The following IGSF21 variants were observed in gnomAD, a reference collection of about 807,000 sequenced individuals.
The protein encoded by IGSF21 is immunoglobulin superfamily member 21.
IGSF21 carries 28 observed loss-of-function variants against 46.8 expected under a neutral mutation model. The ratio of observed to expected loss-of-function variants is 0.60; its 90% CI spans 0.44 to 0.82. The LOEUF is 0.82. Ranked by LOEUF, IGSF21 falls within the 40% of genes least tolerant of loss-of-function variation. IGSF21 has a pLI of 0.00. For synonymous variants in IGSF21, 284 were observed against 273.6 expected (o/e 1.04, Z -0.38); for missense variants, 624 against 665.5 (o/e 0.94, Z 0.69).
chr1:18,222,066 C>G (rs1288122878), intron 1 of IGSF21, among the ~76,000 whole-genome samples: 1 of 152,146 alleles, frequency 6.6e-6, no homozygotes, highest in African/African-American at 2.4e-5. Context: ...CAGAACTCAC[C>G]TCTCCTCTGC....
chr1:18,200,191 C>T (rs982291627), intron 1 of IGSF21, among the ~76,000 whole-genome samples: 2 of 152,154 alleles, frequency 1.3e-5, no homozygotes, highest in Non-Finnish European at 2.9e-5. Flanking sequence ...TTGGTCACCT[C>T]GGTTATAAAA....
chr1:18,113,601 A>ACCCCCCCCCC (rs36119627), intron 1 of IGSF21: 1,216 of 137,582 alleles, frequency 8.8e-3, no homozygotes, highest in Non-Finnish European at 0.011. Flanking sequence ...CCAACCCCGC[A>ACCCCCCCCCC]CCCCACCCCC....
intron 2 of IGSF21, among the ~76,000 whole-genome samples, chr1:18,261,946 G>A (rs1025220504): frequency 5.3e-5 from 8 of 152,240 alleles, no homozygotes; most frequent in African/African-American, 1.4e-4. Flanking sequence ...GGCAGGTGGG[G>A]CTCAGCTTCA....
chr1:18,160,972 A>G (rs1014861810), intron 1 of IGSF21, among the ~76,000 whole-genome samples: 1 of 152,102 alleles, frequency 6.6e-6, no homozygotes, highest in African/African-American at 2.4e-5. Context: ...TGCATCCTGG[A>G]AGACACTGGG....
chr1:18,123,804 G>T (rs1185081656), intron 1 of IGSF21, among the ~76,000 whole-genome samples: 1 of 152,194 alleles, frequency 6.6e-6, no homozygotes, highest in Non-Finnish European at 1.5e-5. Context: ...TGTATTGCAG[G>T]TAAGAAGTGA....
intron 6 of IGSF21, among the ~76,000 whole-genome samples, chr1:18,374,880 A>C (rs2086265243): frequency 6.6e-6 from 1 of 152,146 alleles, no homozygotes; most frequent in African/African-American, 2.4e-5. Context: ...GTTTACACAG[A>C]GTAGCACAAA....
At chr1:18,190,026 G>C (rs1013003102) in intron 1 of IGSF21, among the ~76,000 whole-genome samples, 1 of 152,188 alleles carries the variant, frequency 6.6e-6, no homozygotes, top group Non-Finnish European at 1.5e-5. Flanking sequence ...TCCTCCCTTG[G>C]TGGGCCACCC....
chr1:18,317,100 T>A (rs6681344), intron 3 of IGSF21, among the ~76,000 whole-genome samples: 1 of 152,014 alleles, frequency 6.6e-6, no homozygotes, highest in Admixed American at 6.5e-5. Context: ...CATTGACCAG[T>A]GCCTGCCCCT....
intron 2 of IGSF21, among the ~76,000 whole-genome samples, chr1:18,272,149 GAA>G (rs2085048701): frequency 6.6e-6 from 1 of 152,148 alleles, no homozygotes; most frequent in African/African-American, 2.4e-5. Context: ...AGAGAAATGA[GAA>G]CCAAGTGAAA....
intron 1 of IGSF21, among the ~76,000 whole-genome samples, chr1:18,122,906 C>T (rs892415910): frequency 1.3e-5 from 2 of 152,104 alleles, no homozygotes; most frequent in African/African-American, 4.8e-5. Context: ...GGATTACAGG[C>T]ATGAGCCACC....
chr1:18,183,912 G>C (rs1426270011), intron 1 of IGSF21, among the ~76,000 whole-genome samples: 2 of 152,148 alleles, frequency 1.3e-5, no homozygotes, highest in Admixed American at 1.3e-4. Flanking sequence ...ATTGGCTAAA[G>C]CAAGTAACAT....
At chr1:18,313,860 G>C (rs1200825895) in intron 3 of IGSF21, among the ~76,000 whole-genome samples, 3 of 152,190 alleles carry the variant, frequency 2.0e-5, no homozygotes, top group African/African-American at 7.2e-5. Flanking sequence ...CTGGGACCCA[G>C]AGCCCTGGAA....
intron 2 of IGSF21, among the ~76,000 whole-genome samples, chr1:18,241,422 G>A (rs2084726747): frequency 1.3e-5 from 2 of 152,230 alleles, no homozygotes; most frequent in Non-Finnish European, 2.9e-5. Flanking sequence ...AAGGACTAGA[G>A]TCAGGGAGAC....
chr1:18,235,126 G>C (rs1283448971), intron 2 of IGSF21, among the ~76,000 whole-genome samples: 1 of 152,226 alleles, frequency 6.6e-6, no homozygotes, highest in Non-Finnish European at 1.5e-5. Context: ...TATTGAATCT[G>C]AATTTCCAGG....
intron 6 of IGSF21, among the ~76,000 whole-genome samples, chr1:18,373,538 A>G (rs936674483): frequency 7.9e-5 from 12 of 152,178 alleles, no homozygotes; most frequent in Non-Finnish European, 1.8e-4. Flanking sequence ...GCACTTGTCT[A>G]GTGGCAGCTG....
In IGSF21 at chr1:18,238,289, A is replaced by G. The variant is rs115465365; in HGVS notation, c.183+10279A>G. Among the ~76,000 whole-genome samples, 467 of 152,292 alleles carry G rather than the reference A, an allele frequency of 3.1e-3. 2 individuals are homozygous for G. The highest frequency in any genetic ancestry group is 0.01 in the African/African-American group (422 of 41,554). On this transcript the variant is annotated intron_variant, in intron 2 of 9. Coordinates refer to ENST00000251296, the MANE Select transcript of IGSF21 (RefSeq NM_032880.5). ...CCCATGAGTGGTCCACGAGCTTCCA[A>G]GGAGTGCAGTGGGGAATGGGGGTGA...
At chr1:18,226,132 C>T (rs754017994) in intron 1 of IGSF21, among the ~76,000 whole-genome samples, 10 of 152,212 alleles carry the variant, frequency 6.6e-5, no homozygotes, top group Non-Finnish European at 1.2e-4. Context: ...TCTCCCTTTC[C>T]GTGGGGTCTG....
chr1:18,315,569 A>ATGGATGGATGGATGGG (rs1412998125), intron 3 of IGSF21, among the ~76,000 whole-genome samples: 4 of 150,350 alleles, frequency 2.7e-5, no homozygotes, highest in Non-Finnish European at 4.5e-5. Context: ...GGATGGATGG[A>ATGGATGGATGGATGGG]TGGATGGGTG....
intron 1 of IGSF21, among the ~76,000 whole-genome samples, chr1:18,123,324 T>A (rs1270948643): frequency 6.6e-6 from 1 of 152,120 alleles, no homozygotes; most frequent in African/African-American, 2.4e-5. Context: ...GCTGTGCCAG[T>A]GACAAGGGAT....
Sources: allele counts gnomAD v4.1 joint callset (sites outside exome capture counted in the v4.1 genomes callset), GRCh38; gene constraint gnomAD v4.1.1; transcripts MANE v1.5; gene names NCBI Gene and HGNC (gene_info 2026-07-23, HGNC 2026-07-21).